Variants in HMCN2 observed in about 807,000 individuals in gnomAD.
The protein encoded by HMCN2 is hemicentin-2.
Under a neutral mutation model 377.5 loss-of-function variants are expected in HMCN2, and 325 were observed. The observed-to-expected ratio is 0.86, with a 90% CI of 0.79 to 0.94. The LOEUF (loss-of-function observed/expected upper bound fraction) is 0.94. Among genes scored for constraint, HMCN2 ranks in the 40% least tolerant of loss-of-function variants. HMCN2 has a pLI of 0.00. For synonymous variants in HMCN2, 2,007 were observed against 2,046.8 expected (o/e 0.98, Z 0.53); for missense variants, 4,543 against 4,725.3 (o/e 0.96, Z 1.13).
chr9:130,351,338 T>A lies in HMCN2; in HGVS notation c.4431-85T>A, dbSNP rs973002841. 6.6e-5 allele frequency: 74 copies of A among 1,117,068 alleles called. No individual in the cohort carries two copies. Among genetic ancestry groups the A allele is most frequent in the Non-Finnish European group, 8.5e-5 (73 of 861,044 alleles). 69.2% of individuals were successfully genotyped at this position (1,117,068 alleles called of 1,614,324 possible). A position where few individuals can be genotyped will look rare whatever the true frequency, so the allele number is the denominator to read the frequency against. ...CTAATGAATGGCCCAGCCTCGCTTT[T>A]TACAAGCCACACACTCCCTGTGTGC... On this transcript the variant is annotated intron_variant, in intron 29 of 97. Transcript: ENST00000683500. The surrounding 1 kb of genome is among the most constrained non-coding windows in gnomAD (Gnocchi z 5.4).
At chr9:130,392,823 C>T (rs12554565) in intron 66 of HMCN2, among the ~76,000 whole-genome samples, 36,171 of 151,544 alleles carry the variant, frequency 0.24, 4,874 homozygotes, top group East Asian at 0.46. Flanking sequence ...GGTGAAACCC[C>T]GTCTCTACTA....
intron 29 of HMCN2, among the ~76,000 whole-genome samples, chr9:130,350,826 A>G (rs1473288257): frequency 6.6e-6 from 1 of 151,612 alleles, no homozygotes; most frequent in Non-Finnish European, 1.5e-5. Flanking sequence ...GAATCACTTG[A>G]GCCCGGGAGG....
At chr9:130,298,457 G>C (rs1485289816) in intron 7 of HMCN2, among the ~76,000 whole-genome samples, 1 of 152,182 alleles carries the variant, frequency 6.6e-6, no homozygotes, top group Non-Finnish European at 1.5e-5. Flanking sequence ...CCAAGAGTTT[G>C]AGGCTGCAGT....
intron 87 of HMCN2, among the ~76,000 whole-genome samples, chr9:130,424,482 G>A (rs1003818596): frequency 6.6e-6 from 1 of 151,938 alleles, no homozygotes; most frequent in Admixed American, 6.6e-5. Flanking sequence ...CACCGCGCCC[G>A]GCCTGTCCTT....
At chr9:130,348,036 G>A (rs1266399252) in intron 26 of HMCN2, 1 of 985,260 alleles carries the variant, frequency 1.0e-6, no homozygotes, top group Non-Finnish European at 1.2e-6. Flanking sequence ...CTTAACACGG[G>A]CAGTGTGGGT....
In HMCN2 at chr9:130,268,597, A is replaced by G. The variant is rs373634284; in HGVS notation, c.259+2460A>G. Among the ~76,000 whole-genome samples the G allele has an allele frequency of 6.4e-3, 956 of 149,626 alleles. 19 individuals carry two copies. The highest frequency in any genetic ancestry group is 0.021 in the African/African-American group (886 of 41,386). On this transcript the variant is annotated intron_variant, in intron 1 of 97. Transcript: ENST00000683500. ...GGGGCTAAGGAAAGACCCCCCCCTG[A>G]GGAAGCAGCCTGTGAGTAGGGCCTG...
intron 15 of HMCN2, among the ~76,000 whole-genome samples, chr9:130,318,453 G>A (rs1837683879): frequency 6.6e-6 from 1 of 152,224 alleles, no homozygotes. Flanking sequence ...GGCTCGGACT[G>A]GCTCCTGGCC....
chr9:130,395,278 C>A lies in HMCN2; in HGVS notation c.10842C>A (p.Val3614=). The change falls in exon 71 of 98, where the codon GTC becomes GTA. Residue 3614 remains valine, a synonymous_variant. Coordinates refer to ENST00000683500, the MANE Select transcript of HMCN2 (RefSeq NM_001291815.2). ...FVVGLAPGQL[V]LECSVEAEPA... is the part of the protein sequence containing the mutation. ...TCGGCCTGGCCCCAGGGCAGCTGGT[C>A]CTGGAGTGTTCGGTGGAGGCAGAGC... 2 of 1,289,594 alleles carry A rather than the reference C, an allele frequency of 1.6e-6. No homozygotes were observed. Among genetic ancestry groups the A allele is most frequent in the Non-Finnish European group, 2.0e-6 (2 of 988,778 alleles). The allele number at this position is 1,289,594 out of a possible 1,614,324, so 79.9% of individuals were successfully genotyped here.
intron 4 of HMCN2, among the ~76,000 whole-genome samples, chr9:130,289,942 C>T (rs1458778108): frequency 6.6e-6 from 1 of 152,222 alleles, no homozygotes; most frequent in Non-Finnish European, 1.5e-5. Flanking sequence ...CCTGCTTCCT[C>T]AGCCGCCCTG....
In HMCN2 at chr9:130,393,841, C is replaced by T; in HGVS notation, c.10334C>T (p.Pro3445Leu). The change falls in exon 68 of 98, where the codon CCT becomes CTT. Residue 3445 changes from proline to leucine, a missense_variant. Coordinates refer to ENST00000683500, the MANE Select transcript of HMCN2 (RefSeq NM_001291815.2). This position sits in a 1 kb window ranked among gnomAD's most constrained non-coding sequence, Gnocchi z 5.2. ...LPCEARGVPLPLVSWMKDGEP... is the reference protein window; with the variant it reads ...LPCEARGVPLLLVSWMKDGEP... ...TGCGAGGCCCGGGGCGTTCCCCTGC[C>T]TCTCGTGTCGTGGATGAAGGATGGG... 2.3e-6 allele frequency: 3 copies of T among 1,289,578 alleles called. No homozygotes were observed. The highest frequency in any genetic ancestry group is 2.1e-4 in the Middle Eastern group (1 of 4,692). The allele number at this position is 1,289,578 out of a possible 1,614,324, so 79.9% of individuals were successfully genotyped here.
At chr9:130,280,626 TTTGCTCACACTTAC>T (rs1422286141) in intron 1 of HMCN2, among the ~76,000 whole-genome samples, 4 of 152,184 alleles carry the variant, frequency 2.6e-5, no homozygotes, top group Non-Finnish European at 5.9e-5. Flanking sequence ...TTTCTGAAAA[TTTGCTCACACTTAC>T]TTGTTCAGTG....
intron 65 of HMCN2, 148 bp downstream of exon 65, chr9:130,391,722 A>G (rs1842331764): frequency 2.6e-6 from 2 of 773,894 alleles, no homozygotes; most frequent in Non-Finnish European, 3.1e-6. Flanking sequence ...AGAGGACAAT[A>G]GTGCCAGCCC....
Position 130,388,557 on chromosome 9 carries a change from T to C in HMCN2, c.9523+17T>C. ...TGCCTGTGGGTGAGCACATCTGTCCTTGTCTGTTTCGCGTAAAGCATTCCT... is the reference window on the plus strand; with the variant it reads ...TGCCTGTGGGTGAGCACATCTGTCCCTGTCTGTTTCGCGTAAAGCATTCCT... On this transcript the variant is annotated intron_variant, in intron 62 of 97. Coordinates refer to ENST00000683500, the MANE Select transcript of HMCN2 (RefSeq NM_001291815.2). 1.0e-6 allele frequency: 1 copy of C among 988,140 alleles called. No individual in the cohort carries two copies. Among genetic ancestry groups the C allele is most frequent in the Non-Finnish European group, 1.2e-6 (1 of 830,128 alleles). The allele number at this position is 988,140 out of a possible 1,614,324, so 61.2% of individuals were successfully genotyped here.
intron 49 of HMCN2, among the ~76,000 whole-genome samples, chr9:130,375,001 G>A (rs146787717): frequency 1.8e-4 from 28 of 152,252 alleles, no homozygotes; most frequent in African/African-American, 6.7e-4. Context: ...CAGGGTGGTG[G>A]GTTCACAACT....
At chr9:130,344,898 GGTGTGT>G (rs1193856320) in intron 25 of HMCN2, among the ~76,000 whole-genome samples, 2 of 112,156 alleles carry the variant, frequency 1.8e-5, no homozygotes, top group African/African-American at 3.2e-5. Context: ...TGGTGTATGT[GGTGTGT>G]GTGTGTGTGT....
rs1229546021 is a variant in HMCN2, at chr9:130,358,427, C to T, written c.5618C>T (p.Thr1873Ile). 3.1e-6 allele frequency: 4 copies of T among 1,304,268 alleles called. No homozygotes were observed. In the Admixed American group the frequency reaches 6.9e-5, roughly 22 times the overall value. The allele number at this position is 1,304,268 out of a possible 1,614,324, so 80.8% of individuals were successfully genotyped here. A position where few individuals can be genotyped will look rare whatever the true frequency, so the allele number is the denominator to read the frequency against. ...GACCTGAGGGACGAGGGCATCTACA[C>T]TTGTGCTGCTACCAACCTGGCTGGG... Reference protein sequence around the residue: ...KVDLRDEGIYTCAATNLAGES... With the variant: ...KVDLRDEGIYICAATNLAGES... The change falls in exon 36 of 98, where the codon ACT (threonine) becomes ATT (isoleucine). Residue 1873 changes from threonine to isoleucine, a missense_variant. Around this residue, in one of 5 missense-constraint regions of HMCN2, gnomAD observed 1,032 missense variants for 1,285.1 expected, o/e 0.80. Coordinates refer to ENST00000683500, the MANE Select transcript of HMCN2 (RefSeq NM_001291815.2).
chr9:130,367,890 C>T (rs11243752), intron 43 of HMCN2, among the ~76,000 whole-genome samples: 40,431 of 145,130 alleles, frequency 0.28, 6,585 homozygotes, highest in East Asian at 0.36. Flanking sequence ...TGCAGTGAGC[C>T]GAGATGGTGG....
Position 130,295,672 on chromosome 9 carries a change from T to A in HMCN2, c.791T>A (p.Ile264Asn). Residue 264 changes from isoleucine (I) to asparagine (N), a missense_variant, in exon 6 of 98, where the codon ATC becomes AAC. Ile to Asn is a moderately radical substitution (Grantham distance 149). Transcript: ENST00000683500. ...EIEVQDPLGR[I>N]LQEDEGLNVL... ...GCCCTTGGGGCTTCCACAGGGAGGA[T>A]CCTGCAGGAGGACGAGGGCCTCAAC... is the stretch of plus-strand genomic sequence containing the variant. 1 of 470,778 alleles carries A rather than the reference T, an allele frequency of 2.1e-6. No individual in the cohort carries two copies. Among genetic ancestry groups the A allele is most frequent in the South Asian group, 1.5e-5 (1 of 64,540 alleles). The allele number at this position is 470,778 out of a possible 1,614,324, so 29.2% of individuals were successfully genotyped here.
At chr9:130,368,476 A>G (rs1840819526) in intron 44 of HMCN2, 39 bp downstream of exon 44, 34 of 978,568 alleles carry the variant, frequency 3.5e-5, no homozygotes, top group Non-Finnish European at 4.0e-5. Context: ...GTCTGGGATC[A>G]TGGACTGGCT....
Sources: gnomAD v4.1 joint callset for allele counts (sites outside exome capture counted in the v4.1 genomes callset) on GRCh38, gnomAD v4.1.1 for gene constraint, gnomAD v4.1.1 regional missense constraint, Gnocchi (gnomAD v3.1) non-coding constraint, MANE v1.5 for transcripts, NCBI Gene and HGNC (gene_info 2026-07-23, HGNC 2026-07-21) for gene names.